EYS: variants seen among roughly 807,000 people sequenced by gnomAD.
EYS encodes the protein protein eyes shut homolog.
A neutral mutation model predicts 282.1 loss-of-function variants in EYS; 250 were observed. That is an observed-to-expected ratio of 0.89 (90% CI 0.80 to 0.98). The LOEUF (loss-of-function observed/expected upper bound fraction) is 0.98. Among genes scored for constraint, EYS ranks in the 50% least tolerant of loss-of-function variants. The pLI, the probability that EYS is intolerant of heterozygous loss-of-function variation, is 0.00. For synonymous variants in EYS, 1,355 were observed against 1,282.9 expected (o/e 1.06, Z -1.20); for missense variants, 4,016 against 3,709.0 (o/e 1.08, Z -2.15).
At chr6:64,316,874 C>A (rs1461602689) in intron 29 of EYS, among the ~76,000 whole-genome samples, 3 of 152,008 alleles carry the variant, frequency 2.0e-5, no homozygotes, top group Non-Finnish European at 4.4e-5. Flanking sequence ...ATATATAGAC[C>A]AATGGAACAG....
At chr6:63,930,927 T>C (rs140846864) in intron 35 of EYS, among the ~76,000 whole-genome samples, 337 of 152,326 alleles carry the variant, frequency 2.2e-3, no homozygotes, top group African/African-American at 7.7e-3. Flanking sequence ...TCCTTGAGTC[T>C]TTCTATAATT....
rs551353469 is a variant in EYS at position 65,234,454 on chromosome 6, T to A, written c.2023+61409A>T. Among the ~76,000 whole-genome samples, 8 of 152,346 alleles carry A rather than the reference T, an allele frequency of 5.3e-5. No individual in the cohort carries two copies. The East Asian group carries it at 1.5e-3, about 29-fold the overall frequency. The stretch of plus-strand genomic sequence containing the variant: ...ACTTCTTCTCTACCAGTGAGGGCTA[T>A]GTAGATATCATTAGTTTCTATATAT... On this transcript the variant is annotated intron_variant, in intron 12 of 42. Transcript: ENST00000503581.
chr6:65,289,026 G>A (rs1207272327), intron 12 of EYS, among the ~76,000 whole-genome samples: 1 of 150,708 alleles, frequency 6.6e-6, no homozygotes, highest in Non-Finnish European at 1.5e-5. Context: ...TAGAATGGAT[G>A]AAACAAATAA....
intron 5 of EYS, among the ~76,000 whole-genome samples, chr6:65,462,753 A>T (rs940967221): frequency 6.6e-6 from 1 of 152,030 alleles, no homozygotes; most frequent in Admixed American, 6.6e-5. Context: ...CTCACAATAG[A>T]TATTTAAAAT....
Position 64,433,232 on chromosome 6 carries a change from T to C in EYS, c.5927+2942A>G, listed in dbSNP as rs560701172. On this transcript the variant is annotated intron_variant, in intron 28 of 42. Coordinates refer to ENST00000503581, the MANE Select transcript of EYS (RefSeq NM_001142800.2). ...GTAAGGCAAGACCTTTCTCCTATAT[T>C]CATATTCAAGAAGAAAGCCATATTT... 2.0e-5 allele frequency among the ~76,000 whole-genome samples: 3 copies of C among 152,130 alleles called. No homozygotes were observed. The South Asian group carries it at 6.2e-4, about 32-fold the overall frequency.
intron 19 of EYS, among the ~76,000 whole-genome samples, chr6:64,833,049 G>C (rs1249432654): frequency 6.6e-6 from 1 of 151,850 alleles, no homozygotes; most frequent in African/African-American, 2.4e-5. Flanking sequence ...TGAGAATTGA[G>C]ATCATTAGGA....
chr6:64,455,600 C>T (rs1314746360), intron 26 of EYS, among the ~76,000 whole-genome samples: 1 of 152,052 alleles, frequency 6.6e-6, no homozygotes, highest in African/African-American at 2.4e-5. Context: ...CACTCCCTCC[C>T]CATGTCCCCA....
intron 12 of EYS, among the ~76,000 whole-genome samples, chr6:65,193,963 T>C (rs1281267259): frequency 2.0e-5 from 3 of 151,770 alleles, no homozygotes; most frequent in Non-Finnish European, 2.9e-5. Flanking sequence ...CAATTAAAGG[T>C]TGGTTTGGGG....
At position 64,984,002 on chromosome 6, in the gene EYS, T is replaced by C. The variant is rs73765705; in HGVS notation, c.2259+13580A>G. Among the ~76,000 whole-genome samples the C allele has an allele frequency of 2.1e-3, 318 of 151,456 alleles. 4 individuals carry two copies. The highest frequency in any genetic ancestry group is 7.1e-3 in the African/African-American group (296 of 41,444). ...CTAAAGTAGGCAGAGACTACTCAAC[T>C]CCAGGAATCCTGTTTGTATTAGAAT... On this transcript the variant is annotated intron_variant, in intron 14 of 42. Transcript: ENST00000503581.
intron 31 of EYS, among the ~76,000 whole-genome samples, chr6:64,107,271 GTATATATATATATTTATATATATATA>G (rs1309992471): frequency 1.8e-4 from 18 of 99,964 alleles, no homozygotes; most frequent in African/African-American, 6.1e-4. Context: ...GTGTGTGTGT[GTATATATATATATTTATATATATATA>G]TATATATATA....
intron 31 of EYS, among the ~76,000 whole-genome samples, chr6:64,105,236 A>G (rs1467539698): frequency 6.6e-6 from 1 of 152,182 alleles, no homozygotes; most frequent in Non-Finnish European, 1.5e-5. Flanking sequence ...AATAGCTTTT[A>G]TTGAACATCG....
intron 29 of EYS, among the ~76,000 whole-genome samples, chr6:64,372,027 T>G (rs1218915792): frequency 1.3e-5 from 2 of 150,876 alleles, no homozygotes; most frequent in East Asian, 3.9e-4. Context: ...AGTGAACATG[T>G]ATTGACATGT....
intron 26 of EYS, among the ~76,000 whole-genome samples, chr6:64,574,579 T>C (rs573091837): frequency 7.9e-5 from 12 of 152,104 alleles, no homozygotes; most frequent in South Asian, 2.1e-4. Flanking sequence ...AGTCAATTAA[T>C]GGGATTCAGC....
chr6:64,933,871 C>T (rs1768812977), intron 15 of EYS, among the ~76,000 whole-genome samples: 1 of 151,922 alleles, frequency 6.6e-6, no homozygotes, highest in South Asian at 2.1e-4. Context: ...TATCAGCAAA[C>T]CAACACAGGA....
At chr6:64,341,080 G>T (rs2150396584) in intron 29 of EYS, among the ~76,000 whole-genome samples, 1 of 151,900 alleles carries the variant, frequency 6.6e-6, no homozygotes, top group Non-Finnish European at 1.5e-5. Flanking sequence ...TGGCAAGACT[G>T]CAGAGAAAAG....
chr6:65,406,672 G>A (rs2150366583), intron 5 of EYS, among the ~76,000 whole-genome samples: 1 of 152,078 alleles, frequency 6.6e-6, no homozygotes, highest in Non-Finnish European at 1.5e-5. Context: ...TTTTAAGACT[G>A]TCCTTCCCTC....
intron 1 of EYS, among the ~76,000 whole-genome samples, chr6:65,646,766 A>G (rs894595806): frequency 6.6e-6 from 1 of 152,210 alleles, no homozygotes; most frequent in African/African-American, 2.4e-5. Flanking sequence ...ATACCTAGAA[A>G]ACCCTAAAGA....
intron 26 of EYS, among the ~76,000 whole-genome samples, chr6:64,496,740 T>A (rs1022106676): frequency 2.6e-5 from 4 of 152,066 alleles, no homozygotes; most frequent in African/African-American, 9.6e-5. Flanking sequence ...TAAGCTTTCA[T>A]GTCAAACACA....
At chr6:64,473,525 G>A (rs1012900705) in intron 26 of EYS, among the ~76,000 whole-genome samples, 1 of 151,962 alleles carries the variant, frequency 6.6e-6, no homozygotes, top group Non-Finnish European at 1.5e-5. Flanking sequence ...GCAACAACAT[G>A]GAAATCTTTA....
Sources: gnomAD v4.1 joint callset for allele counts (sites outside exome capture counted in the v4.1 genomes callset) on GRCh38, gnomAD v4.1.1 for gene constraint, MANE v1.5 for transcripts, NCBI Gene and HGNC (gene_info 2026-07-23, HGNC 2026-07-21) for gene names.